The following TRPC4AP variants were observed in gnomAD, a reference collection of about 807,000 sequenced individuals.
The protein encoded by TRPC4AP is transient receptor potential cation channel subfamily C member 4 associated protein.
Under a neutral mutation model 99.0 loss-of-function variants are expected in TRPC4AP, and 45 were observed. The ratio of observed to expected loss-of-function variants is 0.45; its 90% CI spans 0.36 to 0.58. The LOEUF (loss-of-function observed/expected upper bound fraction) is 0.58. Ranked by LOEUF, TRPC4AP falls within the 20% of genes least tolerant of loss-of-function variation. The probability of loss-of-function intolerance (pLI) is 0.00; values close to 1 mark genes in which losing one functional copy is unlikely to be tolerated. For missense variants in TRPC4AP, 879 were observed against 985.3 expected, an observed-to-expected ratio of 0.89 and a Z score of 1.44; for synonymous variants, 408 against 385.8, an observed-to-expected ratio of 1.06 and a Z score of -0.67.
intron 1 of TRPC4AP, among the ~76,000 whole-genome samples, chr20:35,084,349 A>G (rs909523646): frequency 6.6e-6 from 1 of 152,006 alleles, no homozygotes; most frequent in Non-Finnish European, 1.5e-5. Flanking sequence ...CGATACACCA[A>G]TGTAGCAAAA....
At chr20:35,065,953 G>C (rs1230250386) in intron 3 of TRPC4AP, among the ~76,000 whole-genome samples, 1 of 152,204 alleles carries the variant, frequency 6.6e-6, no homozygotes, top group African/African-American at 2.4e-5. Context: ...CACTGCTGTG[G>C]AGAGGGAATG....
intron 10 of TRPC4AP, among the ~76,000 whole-genome samples, chr20:35,013,353 G>A (rs1425391124): frequency 6.6e-6 from 1 of 152,166 alleles, no homozygotes; most frequent in Admixed American, 6.5e-5. Flanking sequence ...GCCGAGGCGG[G>A]CAGATCGCTT....
At chr20:35,062,319 T>G (rs1414465836) in intron 3 of TRPC4AP, among the ~76,000 whole-genome samples, 1 of 152,116 alleles carries the variant, frequency 6.6e-6, no homozygotes, top group Non-Finnish European at 1.5e-5. Flanking sequence ...AGTAAGACAA[T>G]CTAATAGAAA....
intron 9 of TRPC4AP, among the ~76,000 whole-genome samples, chr20:35,019,914 A>C (rs1448354557): frequency 2.6e-5 from 4 of 152,024 alleles, no homozygotes; most frequent in Admixed American, 1.3e-4. Context: ...CAATTCTAAC[A>C]CACACCTCAA....
intron 4 of TRPC4AP, among the ~76,000 whole-genome samples, chr20:35,057,065 T>C (rs1054383033): frequency 1.3e-5 from 2 of 151,016 alleles, no homozygotes; most frequent in Admixed American, 1.3e-4. Flanking sequence ...ATATTACCCA[T>C]ATATCTACCA....
intron 2 of TRPC4AP, among the ~76,000 whole-genome samples, chr20:35,073,201 T>C (rs377670693): frequency 3.3e-5 from 5 of 152,334 alleles, no homozygotes; most frequent in East Asian, 3.9e-4. Flanking sequence ...TTTCTAAATA[T>C]ACAATCATGT....
chr20:35,061,376 A>T (rs2084003644), intron 3 of TRPC4AP, among the ~76,000 whole-genome samples: 1 of 152,246 alleles, frequency 6.6e-6, no homozygotes, highest in Admixed American at 6.5e-5. Flanking sequence ...ATGGATCAGA[A>T]GATTTAATAT....
intron 1 of TRPC4AP, among the ~76,000 whole-genome samples, chr20:35,090,572 C>A (rs1455960570): frequency 6.6e-6 from 1 of 152,050 alleles, no homozygotes; most frequent in Non-Finnish European, 1.5e-5. Flanking sequence ...CGGGGCTTCG[C>A]CATGTTGGCC....
intron 1 of TRPC4AP, among the ~76,000 whole-genome samples, chr20:35,090,374 G>A (rs1402655452): frequency 7.1e-5 from 3 of 42,292 alleles, no homozygotes; most frequent in Non-Finnish European, 1.3e-4. Context: ...TGTATCTGGT[G>A]AGCTTTTTTT....
Position 35,005,695 on chromosome 20 carries a change from C to A in TRPC4AP, c.1936G>T (p.Val646Phe). The change falls in exon 16 of 19, where the codon GTT (valine) becomes TTT (phenylalanine). Residue 646 changes from valine (V) to phenylalanine (F), a missense_variant and splice_region_variant. Coordinates refer to ENST00000252015, the MANE Select transcript of TRPC4AP (RefSeq NM_015638.3). Reference protein sequence around the residue: ...DRFENQVDMKVAEVLSECRLL... With the variant: ...DRFENQVDMKFAEVLSECRLL... Reference sequence around the variant, plus strand: ...CCTTGACAGCCTGCCTTTCATGTACCTTTCATATCCACCTGGTTTTCAAAT... The same window carrying A: ...CCTTGACAGCCTGCCTTTCATGTACATTTCATATCCACCTGGTTTTCAAAT... The A allele has an allele frequency of 6.2e-7, 1 of 1,613,912 alleles. No individual in the cohort carries two copies. Among genetic ancestry groups the A allele is most frequent in the South Asian group, 1.1e-5 (1 of 91,078 alleles).
chr20:35,091,022 T>C (rs897085023), intron 1 of TRPC4AP, among the ~76,000 whole-genome samples: 4 of 152,028 alleles, frequency 2.6e-5, no homozygotes, highest in African/African-American at 7.2e-5. Context: ...TATCTTAGCT[T>C]AAGAAGGAAA....
rs552076150 is a variant in TRPC4AP at position 35,032,902 on chromosome 20, T to C, written c.1051+2221A>G. Among the ~76,000 whole-genome samples the C allele has an allele frequency of 2.0e-5, 3 of 152,288 alleles. No individual in the cohort carries two copies. The South Asian group carries it at 6.2e-4, about 32-fold the overall frequency. ...TTTTGTGTGTATGTCTCAATTTTTG[T>C]TAAAAACTGGACATTTTAGGCTGGG... is the stretch of plus-strand genomic sequence containing the variant. On this transcript the variant is annotated intron_variant, in intron 8 of 18. Coordinates refer to ENST00000252015, the MANE Select transcript of TRPC4AP (RefSeq NM_015638.3).
intron 4 of TRPC4AP, among the ~76,000 whole-genome samples, chr20:35,056,829 T>C (rs373796507): frequency 6.7e-6 from 1 of 148,398 alleles, no homozygotes; most frequent in Non-Finnish European, 1.5e-5. Context: ...AAAAAAAAAA[T>C]ACAAAAATTA....
At chr20:35,019,919 C>T (rs1330289388) in intron 9 of TRPC4AP, among the ~76,000 whole-genome samples, 2 of 152,096 alleles carry the variant, frequency 1.3e-5, no homozygotes, top group South Asian at 2.1e-4. Context: ...CTAACACACA[C>T]CTCAAATCTA....
chr20:35,070,813 T>C (rs1034322894), intron 2 of TRPC4AP, among the ~76,000 whole-genome samples: 1 of 152,148 alleles, frequency 6.6e-6, no homozygotes, highest in East Asian at 1.9e-4. Context: ...ACACATAGGG[T>C]AGTAGTTCTC....
At chr20:35,035,495 T>C (rs1041251108) in intron 7 of TRPC4AP, among the ~76,000 whole-genome samples, 187 bp from the exon 8 acceptor site, 9 of 152,216 alleles carry the variant, frequency 5.9e-5, no homozygotes, top group Non-Finnish European at 8.8e-5. Flanking sequence ...GCTCAGTTTT[T>C]AGCAGGTACA....
chr20:35,003,512 G>A lies in TRPC4AP; in HGVS notation c.2154C>T (p.Ser718=). The change falls in exon 18 of 19, where the codon AGC becomes AGT. Residue 718 remains serine (S), a synonymous_variant. Coordinates refer to ENST00000252015, the MANE Select transcript of TRPC4AP (RefSeq NM_015638.3). ...TGAGCAGGAAGCCGGGGTACTTCTT[G>A]CTGTGCTCCATCCGCTGCAGCAGCC... ...YLRLLQRMEH[S]KKYPGFLLNN... 2 of 1,614,048 alleles carry A rather than the reference G, an allele frequency of 1.2e-6. No homozygotes were observed. The highest frequency in any genetic ancestry group is 8.5e-7 in the Non-Finnish European group (1 of 1,180,020).
chr20:35,085,356 A>G (rs1208946368), intron 1 of TRPC4AP, among the ~76,000 whole-genome samples: 3 of 152,176 alleles, frequency 2.0e-5, no homozygotes, highest in Non-Finnish European at 4.4e-5. Flanking sequence ...GCTTACACTC[A>G]TATCCTAGCA....
intron 7 of TRPC4AP, among the ~76,000 whole-genome samples, chr20:35,040,603 A>C (rs1475605252): frequency 6.6e-6 from 1 of 151,978 alleles, no homozygotes; most frequent in Admixed American, 6.6e-5. Flanking sequence ...CTTATCTTTT[A>C]TTTTATTTAT....
Sources: gnomAD v4.1 joint callset for allele counts (sites outside exome capture counted in the v4.1 genomes callset) on GRCh38, gnomAD v4.1.1 for gene constraint, MANE v1.5 for transcripts, NCBI Gene and HGNC (gene_info 2026-07-23, HGNC 2026-07-21) for gene names.